The following PDCD1LG2 variants were observed in gnomAD, a reference collection of about 807,000 sequenced individuals.
The protein encoded by PDCD1LG2 is B7 dendritic cell molecule.
A neutral mutation model predicts 28.2 loss-of-function variants in PDCD1LG2; 32 were observed. The observed-to-expected ratio is 1.13, with a 90% CI of 0.86 to 1.52. PDCD1LG2 has a LOEUF of 1.52. Ranked by LOEUF, PDCD1LG2 falls within the 40% of genes most tolerant of loss-of-function variation. The probability of loss-of-function intolerance (pLI) is 0.00; values close to 1 mark genes in which losing one functional copy is unlikely to be tolerated. For synonymous variants in PDCD1LG2, 116 were observed against 120.2 expected (o/e 0.97, Z 0.23); for missense variants, 385 against 323.8 (o/e 1.19, Z -1.45).
chr9:5,552,437 G>A (rs1454529280), intron 4 of PDCD1LG2, among the ~76,000 whole-genome samples: 1 of 152,146 alleles, frequency 6.6e-6, no homozygotes, highest in African/African-American at 2.4e-5. Flanking sequence ...GGGGTTGAGT[G>A]AACTTCTATA....
intron 1 of PDCD1LG2, among the ~76,000 whole-genome samples, chr9:5,516,759 G>A (rs927599696): frequency 2.6e-5 from 4 of 152,222 alleles, no homozygotes; most frequent in South Asian, 2.1e-4. Flanking sequence ...ATGCCTGGCC[G>A]GGTTGTGACA....
chr9:5,515,713 A>C (rs1304801213), intron 1 of PDCD1LG2, among the ~76,000 whole-genome samples: 4 of 151,986 alleles, frequency 2.6e-5, no homozygotes, highest in Non-Finnish European at 5.9e-5. Flanking sequence ...TCACGAGGTC[A>C]GAGTTCGAGA....
At chr9:5,529,743 C>T (rs62556124) in intron 2 of PDCD1LG2, among the ~76,000 whole-genome samples, 2 of 152,120 alleles carry the variant, frequency 1.3e-5, no homozygotes, top group Non-Finnish European at 2.9e-5. Context: ...TTCTGGGGCA[C>T]AGACCTCAGC....
intron 3 of PDCD1LG2, among the ~76,000 whole-genome samples, chr9:5,536,979 C>T (rs544236038): frequency 1.3e-5 from 2 of 152,248 alleles, no homozygotes; most frequent in South Asian, 4.2e-4. Context: ...GGTGTAAAAC[C>T]CTCTATAGTG....
intron 1 of PDCD1LG2, among the ~76,000 whole-genome samples, chr9:5,511,821 A>C (rs1336600771): frequency 6.6e-6 from 1 of 152,174 alleles, no homozygotes; most frequent in African/African-American, 2.4e-5. Context: ...TCTTCTCCCC[A>C]GATTTCTCCT....
At position 5,549,423 on chromosome 9, in the gene PDCD1LG2, G is replaced by A. The variant is rs1458858455; in HGVS notation, c.450G>A (p.Leu150=). ...CCTGCCAGGCTACAGGTTATCCTCT[G>A]GCAGAAGTATCCTGGCCAAACGTCA... ...ELTCQATGYP[L]AEVSWPNVSV... The change falls in exon 4 of 7, where the codon CTG becomes CTA. Residue 150 remains leucine, a synonymous_variant. Coordinates refer to ENST00000397747, the MANE Select transcript of PDCD1LG2 (RefSeq NM_025239.4). The A allele has an allele frequency of 1.2e-6, 2 of 1,614,030 alleles. No individual in the cohort carries two copies. Among genetic ancestry groups the A allele is most frequent in the Admixed American group, 1.7e-5 (1 of 59,996 alleles).
Position 5,569,901 on chromosome 9 carries a change from T to C in PDCD1LG2, c.817-53T>C. On this transcript the variant is annotated intron_variant, in intron 6 of 6. Transcript: ENST00000397747. This position sits in a 1 kb window ranked among gnomAD's most constrained non-coding sequence, Gnocchi z 4.1. ...TCACTCAAATTTTGGGGAGGTTATA[T>C]ATTTTCTAATCATAAAAAATGATTT... 2 of 1,589,912 alleles carry C rather than the reference T, an allele frequency of 1.3e-6. No homozygotes were observed. Among genetic ancestry groups the C allele is most frequent in the Non-Finnish European group, 1.7e-6 (2 of 1,159,856 alleles).
intron 6 of PDCD1LG2, 154 bp downstream of exon 6, chr9:5,563,365 G>A (rs1378890158): frequency 1.8e-5 from 13 of 704,682 alleles, no homozygotes; most frequent in South Asian, 1.4e-4. Flanking sequence ...GCGAAGCCTC[G>A]TTCTTAGCCC....
intron 2 of PDCD1LG2, among the ~76,000 whole-genome samples, chr9:5,529,770 C>T (rs980165759): frequency 1.3e-5 from 2 of 152,108 alleles, no homozygotes; most frequent in African/African-American, 4.8e-5. Context: ...TACTCCACTT[C>T]GCCTATCTTT....
chr9:5,542,853 A>G (rs1012538527), intron 3 of PDCD1LG2, among the ~76,000 whole-genome samples: 1 of 146,734 alleles, frequency 6.8e-6, no homozygotes, highest in Non-Finnish European at 1.5e-5. Context: ...AAAAGAAGTC[A>G]TTATACAAAA....
chr9:5,534,946 C>T lies in PDCD1LG2; in HGVS notation c.257C>T (p.Ser86Leu), dbSNP rs762936264. 3.7e-6 allele frequency: 6 copies of T among 1,613,970 alleles called. No individual in the cohort carries two copies. Among genetic ancestry groups the T allele is most frequent in the African/African-American group, 1.3e-5 (1 of 74,896 alleles). The change falls in exon 3 of 7, where the codon TCG becomes TTG. Residue 86 changes from serine to leucine, a missense_variant. Coordinates refer to ENST00000397747, the MANE Select transcript of PDCD1LG2 (RefSeq NM_025239.4). ...GAGCAGCTGCCCCTAGGGAAGGCCTCGTTCCACATACCTCAAGTCCAAGTG... is the reference window on the plus strand; with the variant it reads ...GAGCAGCTGCCCCTAGGGAAGGCCTTGTTCCACATACCTCAAGTCCAAGTG... ...LEEQLPLGKASFHIPQVQVRD... is the reference protein window; with the variant it reads ...LEEQLPLGKALFHIPQVQVRD...
At position 5,534,791 on chromosome 9, in the gene PDCD1LG2, T is replaced by A. The variant is rs1820548258; in HGVS notation, c.102T>A (p.His34Gln). The change falls in exon 3 of 7, where the codon CAT becomes CAA. Residue 34 changes from histidine to glutamine, a missense_variant. By Grantham distance (24) the His-to-Gln change is conservative. Transcript: ENST00000397747. ...TVPKELYIIE[H>Q]GSNVTLECNF... ...CTAAGGAACTGTACATAATAGAGCA[T>A]GGCAGCAATGTGACCCTGGAATGCA... The A allele has an allele frequency of 6.2e-7, 1 of 1,613,976 alleles. No homozygotes were observed. Among genetic ancestry groups the A allele is most frequent in the South Asian group, 1.1e-5 (1 of 91,078 alleles).
intron 2 of PDCD1LG2, among the ~76,000 whole-genome samples, chr9:5,524,975 A>C (rs1820343131): frequency 6.6e-6 from 1 of 152,230 alleles, no homozygotes; most frequent in African/African-American, 2.4e-5. Context: ...CATTGAAAAG[A>C]AAAGAAGATA....
intron 2 of PDCD1LG2, among the ~76,000 whole-genome samples, chr9:5,526,726 T>C (rs1820387514): frequency 6.6e-6 from 1 of 152,168 alleles, no homozygotes; most frequent in South Asian, 2.1e-4. Context: ...GTGTGAGCCA[T>C]CACTCTCAGC....
At chr9:5,554,618 G>C (rs1816399624) in intron 4 of PDCD1LG2, among the ~76,000 whole-genome samples, 1 of 152,188 alleles carries the variant, frequency 6.6e-6, no homozygotes, top group African/African-American at 2.4e-5. Context: ...ACAAGTTAGG[G>C]AGCAACAGAT....
At chr9:5,514,258 T>C (rs992573265) in intron 1 of PDCD1LG2, among the ~76,000 whole-genome samples, 4 of 152,172 alleles carry the variant, frequency 2.6e-5, no homozygotes, top group Non-Finnish European at 4.4e-5. Context: ...GCTTGGCACA[T>C]AGTAAATACC....
intron 6 of PDCD1LG2, among the ~76,000 whole-genome samples, chr9:5,565,021 C>T (rs929378787): frequency 2.0e-5 from 3 of 152,166 alleles, no homozygotes; most frequent in Non-Finnish European, 4.4e-5. Flanking sequence ...GTACTTACTC[C>T]CTGCTTCCCA....
intron 3 of PDCD1LG2, among the ~76,000 whole-genome samples, chr9:5,543,822 A>C (rs1216238304): frequency 6.6e-6 from 1 of 151,664 alleles, no homozygotes; most frequent in Non-Finnish European, 1.5e-5. Flanking sequence ...TTTAAAAATA[A>C]AGAAAGAAAT....
intron 5 of PDCD1LG2, among the ~76,000 whole-genome samples, chr9:5,560,067 C>G (rs946357745): frequency 2.0e-5 from 3 of 152,232 alleles, no homozygotes; most frequent in African/African-American, 4.8e-5. Flanking sequence ...CCTCCACGCA[C>G]CACACCCATT....
Sources: allele counts gnomAD v4.1 joint callset (sites outside exome capture counted in the v4.1 genomes callset), GRCh38; gene constraint gnomAD v4.1.1; non-coding constraint Gnocchi (gnomAD v3.1); transcripts MANE v1.5; gene names NCBI Gene and HGNC (gene_info 2026-07-23, HGNC 2026-07-21).